PLSCR4: variants seen among roughly 807,000 people sequenced by gnomAD.
The protein encoded by PLSCR4 is phospholipid scramblase 4.
Under a neutral mutation model 36.3 loss-of-function variants are expected in PLSCR4, and 25 were observed. The observed-to-expected ratio is 0.69, with a 90% CI of 0.50 to 0.96. The LOEUF (loss-of-function observed/expected upper bound fraction) is 0.96, where lower values mean the gene tolerates loss of function less well. PLSCR4 is among the 40% of genes least tolerant of loss of function. The probability of loss-of-function intolerance (pLI) is 0.00; values close to 1 mark genes in which losing one functional copy is unlikely to be tolerated. For missense variants in PLSCR4, 408 were observed against 414.7 expected (o/e 0.98, Z 0.14); for synonymous variants, 122 against 132.9 (o/e 0.92, Z 0.56).
At position 146,227,365 on chromosome 3, in the gene PLSCR4, A is replaced by C. The variant is rs1000465795; in HGVS notation, c.-21-5273T>G. ...GGCTAGACAGGACAAGGTTGCTGAG[A>C]TTGAGGTTTGCTGCCTTGCAAGGCA... On this transcript the variant is annotated intron_variant, in intron 1 of 8. Transcript: ENST00000354952. Among the ~76,000 whole-genome samples the C allele has an allele frequency of 1.1e-4, 16 of 152,260 alleles. No homozygotes were observed. The Middle Eastern group carries it at 0.01, about 97-fold the overall frequency.
At position 146,220,815 on chromosome 3, in the gene PLSCR4, C is replaced by T. The variant is rs747046994; in HGVS notation, c.118G>A (p.Gly40Arg). The change falls in exon 3 of 9, where the codon GGA (glycine) becomes AGA (arginine). Residue 40 changes from glycine to arginine, a missense_variant and splice_region_variant. Gly to Arg is a moderately radical substitution (Grantham distance 125). Coordinates refer to ENST00000354952, the MANE Select transcript of PLSCR4 (RefSeq NM_020353.3). ...PPEYNSHFLP[G>R]PPGTAVPPPT... is the part of the protein sequence containing the mutation. ...TATCTTTTATGAATATTTAACCCAC[C>T]TGGTAAAAAATGAGAATTGTATTCA... 1 of 1,568,098 alleles carries T rather than the reference C, an allele frequency of 6.4e-7. No individual in the cohort carries two copies.
At chr3:146,220,780 C>T in intron 3 of PLSCR4, 35 bp downstream of exon 3, 1 of 1,300,864 alleles carries the variant, frequency 7.7e-7, no homozygotes, top group Non-Finnish European at 1.1e-6. Context: ...TGGTTTTTAG[C>T]AAAGGAGAAT....
chr3:146,225,654 C>T (rs923967829), intron 1 of PLSCR4, among the ~76,000 whole-genome samples: 8 of 152,216 alleles, frequency 5.3e-5, no homozygotes. Flanking sequence ...CTCACTACAC[C>T]CTCCGCAGCC....
chr3:146,223,260 AAG>A (rs2035257929), intron 1 of PLSCR4, among the ~76,000 whole-genome samples: 1 of 152,210 alleles, frequency 6.6e-6, no homozygotes, highest in African/African-American at 2.4e-5. Context: ...AGGCAAAAAA[AAG>A]GCTATTATTT....
At chr3:146,199,669 A>G (rs1160694070) in intron 6 of PLSCR4, 144 bp downstream of exon 6, 4 of 668,180 alleles carry the variant, frequency 6.0e-6, no homozygotes, top group Non-Finnish European at 7.7e-6. Flanking sequence ...AGGCGAGACA[A>G]TTTGGTTTCC....
In PLSCR4 at chr3:146,196,649, A is replaced by C; in HGVS notation, c.769T>G (p.Ser257Ala). 6.2e-7 allele frequency: 1 copy of C among 1,613,932 alleles called. No homozygotes were observed. The highest frequency in any genetic ancestry group is 8.5e-7 in the Non-Finnish European group (1 of 1,179,862). ...RGPCSTYGCGSDSVFEVKSLD... is the reference protein window; with the variant it reads ...RGPCSTYGCGADSVFEVKSLD... ...AGTTTCACCTCAAAAACAGAATCTG[A>C]ACCACAGCCATAGGTTGAGCATGGC... Residue 257 changes from serine (S) to alanine (A), a missense_variant, in exon 7 of 9, where the codon TCA becomes GCA. Ser to Ala is a moderately conservative substitution (Grantham distance 99). Coordinates refer to ENST00000354952, the MANE Select transcript of PLSCR4 (RefSeq NM_020353.3).
In PLSCR4 at chr3:146,201,210, C is replaced by G. The variant is rs1351867982; in HGVS notation, c.355-133G>C. Reference sequence around the variant, plus strand: ...ATATATTTTTGAAAGTCAATAGAATCAAAAAAATTTTACCAACTGAAATTA... The same window carrying G: ...ATATATTTTTGAAAGTCAATAGAATGAAAAAAATTTTACCAACTGAAATTA... On this transcript the variant is annotated intron_variant, in intron 4 of 8. Transcript: ENST00000354952. 5.3e-6 allele frequency: 3 copies of G among 564,804 alleles called. No individual in the cohort carries two copies. The African/African-American group carries it at 6.0e-5, about 11-fold the overall frequency. The allele number at this position is 564,804 out of a possible 1,614,324, so 35.0% of individuals were successfully genotyped here. A position where few individuals can be genotyped will look rare whatever the true frequency, so the allele number is the denominator to read the frequency against.
chr3:146,230,679 T>C (rs2035674685), intron 1 of PLSCR4, among the ~76,000 whole-genome samples: 2 of 151,652 alleles, frequency 1.3e-5, no homozygotes, highest in Non-Finnish European at 2.9e-5. Context: ...GTAAGGACAA[T>C]GAGAGAGGGA....
Position 146,200,140 on chromosome 3 carries a change from T to G in PLSCR4, c.398-101A>C, listed in dbSNP as rs75027949. On this transcript the variant is annotated intron_variant, in intron 5 of 8. Transcript: ENST00000354952. ...TAAGGGCTTAAAGCAACATAGCTTTTTTAAAGTTTCAGGTGAAATATGTAG... is the reference window on the plus strand; with the variant it reads ...TAAGGGCTTAAAGCAACATAGCTTTGTTAAAGTTTCAGGTGAAATATGTAG... 6.4e-3 allele frequency: 4,453 copies of G among 690,608 alleles called. 151 individuals carry two copies. In the African/African-American group the frequency reaches 0.071, roughly 11 times the overall value. The allele number at this position is 690,608 out of a possible 1,614,324, so 42.8% of individuals were successfully genotyped here.
intron 1 of PLSCR4, among the ~76,000 whole-genome samples, chr3:146,243,082 C>A (rs2036213108): frequency 6.6e-6 from 1 of 152,104 alleles, no homozygotes; most frequent in Admixed American, 6.6e-5. Flanking sequence ...CTGGAAAGTT[C>A]CTAATTGACA....
intron 1 of PLSCR4, among the ~76,000 whole-genome samples, chr3:146,248,070 C>T (rs998407922): frequency 2.6e-5 from 4 of 152,108 alleles, no homozygotes; most frequent in Non-Finnish European, 4.4e-5. Flanking sequence ...ATGAACATTG[C>T]TGTATTTTTT....
At chr3:146,228,601 A>T (rs995661482) in intron 1 of PLSCR4, among the ~76,000 whole-genome samples, 3 of 152,190 alleles carry the variant, frequency 2.0e-5, no homozygotes, top group African/African-American at 7.2e-5. Context: ...GACAATACTT[A>T]TATTATTCAG....
At chr3:146,218,949 C>A (rs1322438856) in intron 3 of PLSCR4, among the ~76,000 whole-genome samples, 1 of 152,110 alleles carries the variant, frequency 6.6e-6, no homozygotes, top group Non-Finnish European at 1.5e-5. Context: ...ATATCCAACA[C>A]CATAATGCAA....
At chr3:146,207,216 C>T (rs1245791543) in intron 3 of PLSCR4, among the ~76,000 whole-genome samples, 2 of 152,074 alleles carry the variant, frequency 1.3e-5, no homozygotes, top group South Asian at 4.1e-4. Context: ...TAAATAATGT[C>T]TACTTCATTT....
At chr3:146,233,780 A>C (rs1361327216) in intron 1 of PLSCR4, among the ~76,000 whole-genome samples, 1 of 152,166 alleles carries the variant, frequency 6.6e-6, no homozygotes, top group Non-Finnish European at 1.5e-5. Context: ...TCAGAGGCCA[A>C]CTTAGTATTC....
rs1415858438 is a variant in PLSCR4, at chr3:146,199,985, T to C, written c.452A>G (p.Gln151Arg). 1.2e-6 allele frequency: 2 copies of C among 1,612,562 alleles called. No individual in the cohort carries two copies. Among genetic ancestry groups the C allele is most frequent in the Non-Finnish European group, 1.7e-6 (2 of 1,178,772 alleles). The stretch of plus-strand genomic sequence containing the variant: ...GTCTTCGGTTACAATGTAAACCATC[T>C]GGTCTGAGTTGTTTTTAATATCATA... ...NRYDIKNNSD[Q>R]MVYIVTEDTD... Residue 151 changes from glutamine (Q) to arginine (R), a missense_variant, in exon 6 of 9, where the codon CAG (glutamine) becomes CGG (arginine). By Grantham distance (43) the Gln-to-Arg change is conservative. Coordinates refer to ENST00000354952, the MANE Select transcript of PLSCR4 (RefSeq NM_020353.3).
chr3:146,201,673 G>A (rs78313886), intron 4 of PLSCR4, among the ~76,000 whole-genome samples: 49 of 152,164 alleles, frequency 3.2e-4, no homozygotes, highest in African/African-American at 1.2e-3. Flanking sequence ...TAAGGGAAGG[G>A]TCTATTACAC....
intron 4 of PLSCR4, 86 bp from the exon 5 acceptor site, chr3:146,201,163 A>G (rs1305434473): frequency 2.9e-5 from 23 of 797,686 alleles, no homozygotes; most frequent in African/African-American, 5.4e-5. Flanking sequence ...ATAGATATTA[A>G]AATGCATCAA....
At chr3:146,215,610 T>A (rs1378126484) in intron 3 of PLSCR4, among the ~76,000 whole-genome samples, 1 of 152,202 alleles carries the variant, frequency 6.6e-6, no homozygotes, top group Non-Finnish European at 1.5e-5. Flanking sequence ...CTGCTTTTCC[T>A]TGTAATGTGT....
Sources: allele counts gnomAD v4.1 joint callset (sites outside exome capture counted in the v4.1 genomes callset), GRCh38; gene constraint gnomAD v4.1.1; transcripts MANE v1.5; gene names NCBI Gene and HGNC (gene_info 2026-07-23, HGNC 2026-07-21).